Variants in SYN2 observed in about 807,000 individuals in gnomAD.
The protein encoded by SYN2 is synapsin II.
SYN2 carries 19 observed loss-of-function variants against 50.9 expected under a neutral mutation model. The observed-to-expected ratio is 0.37, with a 90% CI of 0.26 to 0.55. The LOEUF (loss-of-function observed/expected upper bound fraction) is 0.55, where lower values mean the gene tolerates loss of function less well. Ranked by LOEUF, SYN2 falls within the 20% of genes least tolerant of loss-of-function variation. The probability of loss-of-function intolerance (pLI) is 0.81; values close to 1 mark genes in which losing one functional copy is unlikely to be tolerated. For synonymous variants in SYN2, 255 were observed against 224.9 expected (o/e 1.13, Z -1.20); for missense variants, 587 against 576.4 (o/e 1.02, Z -0.19).
At chr3:12,114,031 G>A (rs1033449928) in intron 1 of SYN2, among the ~76,000 whole-genome samples, 4 of 150,668 alleles carry the variant, frequency 2.7e-5, no homozygotes, top group South Asian at 2.1e-4. Flanking sequence ...ATGCTGCACC[G>A]TTTTATATTC....
At chr3:12,183,005 A>C (rs1315647207) in intron 10 of SYN2, among the ~76,000 whole-genome samples, 2 of 152,252 alleles carry the variant, frequency 1.3e-5, no homozygotes, top group African/African-American at 2.4e-5. Flanking sequence ...GTGGTGCTAG[A>C]GGACGCAAAG....
intron 1 of SYN2, among the ~76,000 whole-genome samples, chr3:12,077,091 G>A (rs984425281): frequency 6.6e-6 from 1 of 151,936 alleles, no homozygotes; most frequent in African/African-American, 2.4e-5. Context: ...GGTTTGCGAT[G>A]GGGCAATCTT....
chr3:12,151,456 G>A (rs1025891097), intron 5 of SYN2, 130 bp downstream of exon 5: 3 of 668,972 alleles, frequency 4.5e-6, no homozygotes, highest in Non-Finnish European at 2.6e-6. Context: ...TTGAACTATA[G>A]AGCTTATGCG....
intron 5 of SYN2, chr3:12,158,945 G>T: frequency 7.1e-7 from 1 of 1,408,392 alleles, no homozygotes; most frequent in Non-Finnish European, 9.2e-7. Context: ...GCTTTATGAG[G>T]TGGCCCTAAG....
At chr3:12,051,135 A>C (rs1359912161) in intron 1 of SYN2, among the ~76,000 whole-genome samples, 1 of 152,200 alleles carries the variant, frequency 6.6e-6, no homozygotes, top group Non-Finnish European at 1.5e-5. Context: ...ATTCTGGATA[A>C]GAATCCTAGT....
At chr3:12,173,402 CAT>C (rs1193113866) in intron 10 of SYN2, among the ~76,000 whole-genome samples, 1 of 152,224 alleles carries the variant, frequency 6.6e-6, no homozygotes, top group African/African-American at 2.4e-5. Flanking sequence ...CCTCCACCCA[CAT>C]GAATCTGCTC....
intron 1 of SYN2, among the ~76,000 whole-genome samples, chr3:12,057,205 T>C (rs1202120652): frequency 6.6e-6 from 1 of 151,866 alleles, no homozygotes; most frequent in Non-Finnish European, 1.5e-5. Context: ...GGCAGGAGAA[T>C]TGCTTGAACC....
intron 1 of SYN2, among the ~76,000 whole-genome samples, chr3:12,084,296 G>A (rs915401464): frequency 6.6e-6 from 1 of 151,640 alleles, no homozygotes; most frequent in Non-Finnish European, 1.5e-5. Flanking sequence ...TTATTAATTG[G>A]TATTGTCTTA....
At chr3:12,155,852 T>C (rs541882172) in intron 5 of SYN2, among the ~76,000 whole-genome samples, 6 of 152,268 alleles carry the variant, frequency 3.9e-5, no homozygotes, top group African/African-American at 1.4e-4. Context: ...TAATAGAGTT[T>C]GAAAGGGCCT....
At chr3:12,073,304 C>T (rs977621898) in intron 1 of SYN2, among the ~76,000 whole-genome samples, 13 of 152,114 alleles carry the variant, frequency 8.5e-5, no homozygotes, top group African/African-American at 3.1e-4. Context: ...AGTCACCCAG[C>T]GAGGTATAAT....
chr3:12,071,634 CTT>C (rs1695356848), intron 1 of SYN2: 1 of 326,732 alleles, frequency 3.1e-6, no homozygotes, highest in Non-Finnish European at 6.0e-6. Context: ...GGCTTGGTCA[CTT>C]TGTGGCTGTT....
chr3:12,061,514 C>G (rs1296569198), intron 1 of SYN2, among the ~76,000 whole-genome samples: 3 of 152,042 alleles, frequency 2.0e-5, no homozygotes, highest in South Asian at 2.1e-4. Flanking sequence ...TCTGTCACCA[C>G]TATTAGTCAA....
chr3:12,004,649 AGCCGCC>A lies in SYN2; in HGVS notation c.111_116del (p.Pro39_Pro40del), dbSNP rs202010288. The A allele has an allele frequency of 3.4e-5, 13 of 381,074 alleles. No homozygotes were observed. The highest frequency in any genetic ancestry group is 2.4e-4 in the African/African-American group (11 of 46,494). 23.6% of individuals were successfully genotyped at this position (381,074 alleles called of 1,614,324 possible). On this transcript the variant is annotated inframe_deletion, in exon 1 of 13. Transcript: ENST00000621198. The stretch of plus-strand genomic sequence containing the variant: ...GACCTGCAGCGGCCCGAGCCCCAGC[AGCCGCC>A]GCCGCCGCCGCCCCCCGGTCCGGGC...
intron 1 of SYN2, among the ~76,000 whole-genome samples, chr3:12,076,605 C>G (rs535712896): frequency 1.4e-4 from 21 of 151,868 alleles, no homozygotes; most frequent in South Asian, 4.2e-4. Flanking sequence ...ACGTTTTTAT[C>G]AGTCATTACT....
At chr3:12,103,418 A>G (rs1696117337) in intron 1 of SYN2, among the ~76,000 whole-genome samples, 1 of 152,196 alleles carries the variant, frequency 6.6e-6, no homozygotes, top group Non-Finnish European at 1.5e-5. Context: ...ATTTAAAAAG[A>G]CAATTAAAAT....
intron 1 of SYN2, among the ~76,000 whole-genome samples, chr3:12,139,233 A>G (rs1200601806): frequency 6.6e-6 from 1 of 152,226 alleles, no homozygotes; most frequent in East Asian, 1.9e-4. Context: ...AGAAAAGGAA[A>G]CAGCCTGGCC....
intron 1 of SYN2, among the ~76,000 whole-genome samples, chr3:12,072,947 G>GT: frequency 6.6e-6 from 1 of 152,098 alleles, no homozygotes; most frequent in East Asian, 1.9e-4. Flanking sequence ...AGCTCTGTGC[G>GT]TTTAAGTAGA....
At chr3:12,092,445 G>A (rs1213228844) in intron 1 of SYN2, among the ~76,000 whole-genome samples, 2 of 152,130 alleles carry the variant, frequency 1.3e-5, no homozygotes, top group East Asian at 3.9e-4. Flanking sequence ...TGTATAGAGA[G>A]GTATGGGGAG....
At chr3:12,187,166 C>A (rs1329989036) in intron 11 of SYN2, among the ~76,000 whole-genome samples, 1 of 152,146 alleles carries the variant, frequency 6.6e-6, no homozygotes, top group African/African-American at 2.4e-5. Flanking sequence ...TGAGTTGCTC[C>A]GTTTCTGAGG....
Sources: allele counts gnomAD v4.1 joint callset (sites outside exome capture counted in the v4.1 genomes callset), GRCh38; gene constraint gnomAD v4.1.1; transcripts MANE v1.5; gene names NCBI Gene and HGNC (gene_info 2026-07-23, HGNC 2026-07-21).